Variants in ASAP1 observed in about 807,000 individuals in gnomAD.
The protein encoded by ASAP1 is ArfGAP with SH3 domain, ankyrin repeat and PH domain 1.
A neutral mutation model predicts 145.2 loss-of-function variants in ASAP1; 43 were observed. The observed-to-expected ratio is 0.30, with a 90% CI of 0.23 to 0.38. The LOEUF (loss-of-function observed/expected upper bound fraction) is 0.38, where lower values mean the gene tolerates loss of function less well. ASAP1 is among the 10% of genes least tolerant of loss of function. The pLI, the probability that ASAP1 is intolerant of heterozygous loss-of-function variation, is 1.00. For missense variants in ASAP1, 1,018 were observed against 1,355.3 expected, an observed-to-expected ratio of 0.75 and a Z score of 3.91; for synonymous variants, 546 against 515.5, an observed-to-expected ratio of 1.06 and a Z score of -0.80.
intron 4 of ASAP1, among the ~76,000 whole-genome samples, chr8:130,225,082 T>C (rs1251484112): frequency 1.3e-5 from 2 of 152,260 alleles, no homozygotes; most frequent in South Asian, 2.1e-4. Flanking sequence ...TTATTGTCCA[T>C]TAACATTTCC....
intron 27 of ASAP1, among the ~76,000 whole-genome samples, chr8:130,075,290 G>GA (rs1417176553): frequency 6.6e-6 from 1 of 152,222 alleles, no homozygotes; most frequent in Non-Finnish European, 1.5e-5. Flanking sequence ...CTGTTCTACG[G>GA]AAAGTGAATC....
chr8:130,336,224 A>G (rs934616601), intron 3 of ASAP1, among the ~76,000 whole-genome samples: 4 of 152,226 alleles, frequency 2.6e-5, no homozygotes, highest in African/African-American at 9.6e-5. Context: ...TTCGAACTTA[A>G]TAATCACAGT....
At chr8:130,217,433 C>T (rs1816996824) in intron 4 of ASAP1, among the ~76,000 whole-genome samples, 2 of 151,546 alleles carry the variant, frequency 1.3e-5, no homozygotes, top group South Asian at 4.2e-4. Context: ...GCAGTATTTT[C>T]TACCACATCC....
intron 11 of ASAP1, among the ~76,000 whole-genome samples, chr8:130,164,772 A>G (rs182732804): frequency 1.7e-3 from 260 of 152,314 alleles, no homozygotes; most frequent in African/African-American, 6.1e-3. Flanking sequence ...TTCACAACTA[A>G]AATTCTTGGA....
At chr8:130,366,885 C>CTTTTTTTTTTTTTT (rs1565252965) in intron 2 of ASAP1, among the ~76,000 whole-genome samples, 1 of 120,092 alleles carries the variant, frequency 8.3e-6, no homozygotes, top group South Asian at 3.5e-4. Flanking sequence ...ATGCTAGATT[C>CTTTTTTTTTTTTTT]CTTTTTTTTT....
chr8:130,167,725 GT>G (rs2097682849), intron 10 of ASAP1, 103 bp from the exon 11 acceptor site: 1 of 823,452 alleles, frequency 1.2e-6, no homozygotes, highest in Non-Finnish European at 2.0e-6. Flanking sequence ...TATATATTTG[GT>G]TTTCTTACTA....
At chr8:130,409,273 C>A (rs928744841) in intron 1 of ASAP1, among the ~76,000 whole-genome samples, 5 of 143,146 alleles carry the variant, frequency 3.5e-5, no homozygotes, top group South Asian at 2.2e-4. Context: ...AAAAAAAAAA[C>A]AAAAAACCTC....
At chr8:130,094,453 T>C (rs2097512869) in intron 24 of ASAP1, among the ~76,000 whole-genome samples, 2 of 152,052 alleles carry the variant, frequency 1.3e-5, no homozygotes, top group South Asian at 4.2e-4. Flanking sequence ...ACTCCTGAGC[T>C]GAAGCGACCC....
intron 13 of ASAP1, among the ~76,000 whole-genome samples, chr8:130,152,380 C>T (rs2097648366): frequency 6.6e-6 from 1 of 152,204 alleles, no homozygotes; most frequent in South Asian, 2.1e-4. Flanking sequence ...AAGGTTTTTA[C>T]ATCTACTGTT....
intron 4 of ASAP1, among the ~76,000 whole-genome samples, chr8:130,223,726 C>T (rs1224126908): frequency 6.6e-6 from 1 of 151,980 alleles, no homozygotes; most frequent in Non-Finnish European, 1.5e-5. Context: ...ATGCTAAGTA[C>T]CATCCCACAC....
chr8:130,064,073 G>C (rs2097425023), intron 27 of ASAP1, among the ~76,000 whole-genome samples: 1 of 152,182 alleles, frequency 6.6e-6, no homozygotes, highest in African/African-American at 2.4e-5. Context: ...CACCAGCCAT[G>C]CTGATATCTG....
At chr8:130,065,960 T>G (rs2097429861) in intron 27 of ASAP1, among the ~76,000 whole-genome samples, 1 of 152,184 alleles carries the variant, frequency 6.6e-6, no homozygotes, top group Non-Finnish European at 1.5e-5. Context: ...TGGGCCGTTT[T>G]CCACAGGCAT....
intron 15 of ASAP1, among the ~76,000 whole-genome samples, chr8:130,130,861 T>C (rs1011460133): frequency 2.0e-5 from 3 of 150,866 alleles, no homozygotes; most frequent in East Asian, 1.9e-4. Flanking sequence ...CTGGGCAACA[T>C]AGATCTCATT....
intron 1 of ASAP1, among the ~76,000 whole-genome samples, chr8:130,427,210 AT>A (rs1416647569): frequency 6.6e-6 from 1 of 152,094 alleles, no homozygotes; most frequent in African/African-American, 2.4e-5. Flanking sequence ...TTTTCTTGAT[AT>A]TTTAAAGAAC....
intron 4 of ASAP1, among the ~76,000 whole-genome samples, chr8:130,221,634 C>A (rs1246220893): frequency 1.3e-5 from 2 of 152,102 alleles, no homozygotes; most frequent in Non-Finnish European, 2.9e-5. Flanking sequence ...TGGGGTTTTT[C>A]ATTTCTTTTC....
At chr8:130,402,994 C>G (rs183583819) in intron 1 of ASAP1, among the ~76,000 whole-genome samples, 1 of 151,980 alleles carries the variant, frequency 6.6e-6, no homozygotes, top group African/African-American at 2.4e-5. Context: ...TCATATACCC[C>G]CTGAACCCAC....
chr8:130,283,132 C>A (rs932535330), intron 3 of ASAP1, among the ~76,000 whole-genome samples: 1 of 152,184 alleles, frequency 6.6e-6, no homozygotes, highest in Non-Finnish European at 1.5e-5. Context: ...TGGGCCACTA[C>A]GTTGTGAGCT....
intron 24 of ASAP1, among the ~76,000 whole-genome samples, chr8:130,108,009 T>C (rs2097540506): frequency 6.6e-6 from 1 of 152,214 alleles, no homozygotes; most frequent in Non-Finnish European, 1.5e-5. Flanking sequence ...CTACTGCATA[T>C]ACTTTGATTA....
intron 3 of ASAP1, among the ~76,000 whole-genome samples, chr8:130,239,213 G>C (rs1426712924): frequency 6.6e-6 from 1 of 152,082 alleles, no homozygotes; most frequent in Non-Finnish European, 1.5e-5. Flanking sequence ...TCAGGGAAGA[G>C]ATAAATTTTG....
Sources: gnomAD v4.1 joint callset for allele counts (sites outside exome capture counted in the v4.1 genomes callset) on GRCh38, gnomAD v4.1.1 for gene constraint, MANE v1.5 for transcripts, NCBI Gene and HGNC (gene_info 2026-07-23, HGNC 2026-07-21) for gene names.